Variants in GARNL3 observed in about 807,000 individuals in gnomAD.
GARNL3 encodes the protein GTPase-activating Rap/Ran-GAP domain-like protein 3.
GARNL3 carries 63 observed loss-of-function variants against 125.0 expected under a neutral mutation model. The ratio of observed to expected loss-of-function variants is 0.50; its 90% confidence interval spans 0.41 to 0.62. The LOEUF is 0.62. Ranked by LOEUF, GARNL3 falls within the 20% of genes least tolerant of loss-of-function variation. The pLI, the probability that GARNL3 is intolerant of heterozygous loss-of-function variation, is 0.00. For synonymous variants in GARNL3, 439 were observed against 457.5 expected (o/e 0.96, Z 0.52); for missense variants, 994 against 1,244.0 (o/e 0.80, Z 3.02).
intron 25 of GARNL3, among the ~76,000 whole-genome samples, chr9:127,388,038 T>G (rs761871692): frequency 5.9e-5 from 9 of 151,896 alleles, no homozygotes; most frequent in Non-Finnish European, 1.2e-4. Context: ...CCCAGCTACT[T>G]GGGAGGCTGA....
chr9:127,225,581 C>A (rs1247413329), intron 1 of GARNL3, among the ~76,000 whole-genome samples: 3 of 151,512 alleles, frequency 2.0e-5, no homozygotes, highest in Non-Finnish European at 2.9e-5. Context: ...CGGGCCGTCG[C>A]GCGGGAGGTG....
intron 2 of GARNL3, among the ~76,000 whole-genome samples, chr9:127,251,158 A>G (rs994476036): frequency 3.9e-5 from 6 of 152,160 alleles, no homozygotes; most frequent in Non-Finnish European, 8.8e-5. Flanking sequence ...GCAAAAGGCA[A>G]TTGTTTGGGC....
chr9:127,370,171 G>A (rs1395491116), intron 22 of GARNL3, among the ~76,000 whole-genome samples: 1 of 152,204 alleles, frequency 6.6e-6, no homozygotes, highest in Non-Finnish European at 1.5e-5. Flanking sequence ...AGCCCGATGG[G>A]CCAGGACATT....
Position 127,225,221 on chromosome 9 carries a change from C to T in GARNL3, c.-29+883C>T, listed in dbSNP as rs1256849908. 4 of 302,036 alleles carry T rather than the reference C, an allele frequency of 1.3e-5. No homozygotes were observed. The East Asian group carries it at 5.3e-4, about 40-fold the overall frequency. 18.7% of individuals were successfully genotyped at this position (302,036 alleles called of 1,614,324 possible). On this transcript the variant is annotated intron_variant, in intron 1 of 10. Coordinates refer to the GARNL3 transcript ENST00000439286. ...CCTGGGCCCAGCGAGGGGAGAGGGGCGGGACGTGGGCTGCGGCGCGCGAGC... is the reference window on the plus strand; with the variant it reads ...CCTGGGCCCAGCGAGGGGAGAGGGGTGGGACGTGGGCTGCGGCGCGCGAGC...
Position 127,376,366 on chromosome 9 carries a change from C to G in GARNL3, c.2162-7072C>G, listed in dbSNP as rs534976654. Among the ~76,000 whole-genome samples the G allele has an allele frequency of 2.6e-5, 4 of 152,208 alleles. No individual in the cohort carries two copies. In the South Asian group the frequency reaches 8.3e-4, roughly 32 times the overall value. Reference sequence around the variant, plus strand: ...CCCGAGTAGCTGGGACTACAGGCGCCTGCCACCTTGCCCGGCTAATTTTTT... The same window carrying G: ...CCCGAGTAGCTGGGACTACAGGCGCGTGCCACCTTGCCCGGCTAATTTTTT... On this transcript the variant is annotated intron_variant, in intron 22 of 27. Coordinates refer to ENST00000373387, the MANE Select transcript of GARNL3 (RefSeq NM_032293.5).
chr9:127,351,650 C>T (rs1050643424), intron 17 of GARNL3, among the ~76,000 whole-genome samples: 1 of 152,172 alleles, frequency 6.6e-6, no homozygotes, highest in African/African-American at 2.4e-5. Context: ...CACTCTATCC[C>T]ATTAGCCTTT....
chr9:127,339,591 C>T, intron 12 of GARNL3, 54 bp from the exon 13 acceptor site: 1 of 1,315,112 alleles, frequency 7.6e-7, no homozygotes, highest in African/African-American at 1.4e-5. Flanking sequence ...TGGGTGGGGA[C>T]ACAGCCAAAC....
At chr9:127,386,751 G>T (rs554236027) in intron 24 of GARNL3, among the ~76,000 whole-genome samples, 2 of 152,346 alleles carry the variant, frequency 1.3e-5, no homozygotes, top group Admixed American at 1.3e-4. Flanking sequence ...TAGCAGCAGC[G>T]CCAGCGCATC....
At position 127,318,072 on chromosome 9, in the gene GARNL3, A is replaced by G; in HGVS notation, c.448A>G (p.Lys150Glu). The change falls in exon 5 of 28, where the codon AAA becomes GAA. Residue 150 changes from lysine (K) to glutamate (E), a missense_variant. By Grantham distance (56) the Lys-to-Glu change is moderately conservative. Coordinates refer to ENST00000373387, the MANE Select transcript of GARNL3 (RefSeq NM_032293.5). ...AILWRKTGTQ[K>E]ICLPYSPTKT... ...GTTTGGACTTTTCCAGGGTACCCAG[A>G]AAATATGCCTTCCCTACAGTCCCAC... is the stretch of plus-strand genomic sequence containing the variant. 1.9e-6 allele frequency: 3 copies of G among 1,606,640 alleles called. No homozygotes were observed. The highest frequency in any genetic ancestry group is 2.6e-6 in the Non-Finnish European group (3 of 1,173,160).
intron 17 of GARNL3, among the ~76,000 whole-genome samples, chr9:127,351,523 T>G (rs899431433): frequency 2.0e-5 from 3 of 152,244 alleles, no homozygotes; most frequent in African/African-American, 7.2e-5. Context: ...TATTTCTTGT[T>G]GTGCTTTTAA....
At chr9:127,278,463 C>T (rs2064014922) in intron 1 of GARNL3, among the ~76,000 whole-genome samples, 1 of 152,162 alleles carries the variant, frequency 6.6e-6, no homozygotes, top group Non-Finnish European at 1.5e-5. Context: ...TGTCCTTGTC[C>T]TGGAGTTTCA....
At position 127,389,051 on chromosome 9, in the gene GARNL3, C is replaced by A; in HGVS notation, c.2675C>A (p.Thr892Lys). Residue 892 changes from threonine (T) to lysine (K), a missense_variant, in exon 26 of 28, where the codon ACG becomes AAG. Physicochemically the swap from Thr to Lys is moderately conservative, Grantham distance 78. Coordinates refer to ENST00000373387, the MANE Select transcript of GARNL3 (RefSeq NM_032293.5). ...ISVGLAAIPV[T>K]HSLSLSRMEI... The stretch of plus-strand genomic sequence containing the variant: ...GTGGGCCTTGCTGCCATTCCAGTCA[C>A]GCACTCCTTGTCCCTGTCTCGCATG... 6.2e-7 allele frequency: 1 copy of A among 1,614,166 alleles called. No individual in the cohort carries two copies. Among genetic ancestry groups the A allele is most frequent in the Non-Finnish European group, 8.5e-7 (1 of 1,180,008 alleles).
intron 22 of GARNL3, 109 bp downstream of exon 22, chr9:127,365,475 G>A: frequency 1.1e-6 from 1 of 903,498 alleles, no homozygotes; most frequent in Non-Finnish European, 1.8e-6. Context: ...ATCATTCCTG[G>A]GTTTGTAATT....
At chr9:127,286,475 C>T (rs960758484) in intron 1 of GARNL3, among the ~76,000 whole-genome samples, 3 of 152,216 alleles carry the variant, frequency 2.0e-5, no homozygotes, top group African/African-American at 7.2e-5. Context: ...CCAGTCCATT[C>T]TTTACAGTTT....
chr9:127,382,072 G>T (rs1283202366), intron 22 of GARNL3, among the ~76,000 whole-genome samples: 1 of 152,086 alleles, frequency 6.6e-6, no homozygotes, highest in Non-Finnish European at 1.5e-5. Context: ...AGGCTGGGGC[G>T]AGTGGATCAC....
At chr9:127,371,634 T>A (rs1831612026) in intron 22 of GARNL3, among the ~76,000 whole-genome samples, 1 of 152,246 alleles carries the variant, frequency 6.6e-6, no homozygotes, top group African/African-American at 2.4e-5. Context: ...ACAGAAAAAG[T>A]GTCATAAGAC....
In GARNL3 at chr9:127,255,067, G is replaced by A. The variant is rs148063806; in HGVS notation, c.144-9885G>A. On this transcript the variant is annotated intron_variant, in intron 2 of 10. Coordinates refer to the GARNL3 transcript ENST00000439286. ...GCTGCTCATGAGAGGGTAAATTGGC[G>A]TACTCACTTCGGAAAGCAAATGTGA... Among the ~76,000 whole-genome samples the A allele has an allele frequency of 3.5e-3, 528 of 152,272 alleles. 4 individuals carry two copies. Among genetic ancestry groups the A allele is most frequent in the African/African-American group, 0.011 (477 of 41,550 alleles).
chr9:127,365,390 C>T (rs1449359174), intron 22 of GARNL3, 24 bp downstream of exon 22: 2 of 1,555,160 alleles, frequency 1.3e-6, no homozygotes, highest in Non-Finnish European at 1.8e-6. Context: ...GTGCTTTTAT[C>T]TTTATTTGCT....
At chr9:127,230,634 CAA>C (rs1196575593) in intron 1 of GARNL3, among the ~76,000 whole-genome samples, 2 of 140,928 alleles carry the variant, frequency 1.4e-5, no homozygotes, top group Non-Finnish European at 3.1e-5. Context: ...GCCTGGGCAA[CAA>C]GAGTGAAACT....
Sources: gnomAD v4.1 joint callset for allele counts (sites outside exome capture counted in the v4.1 genomes callset) on GRCh38, gnomAD v4.1.1 for gene constraint, MANE v1.5 for transcripts, NCBI Gene and HGNC (gene_info 2026-07-23, HGNC 2026-07-21) for gene names.